MYH8: variants seen among roughly 807,000 people sequenced by gnomAD.
MYH8 encodes the protein myosin heavy chain 8.
In MYH8, 168 loss-of-function variants were observed where a neutral mutation model predicts 233.2. The ratio of observed to expected loss-of-function variants is 0.72; its 90% CI spans 0.64 to 0.82. The LOEUF is 0.82. MYH8 is among the 40% of genes least tolerant of loss of function. The pLI is 0.00. For missense variants in MYH8, 1,995 were observed against 2,327.8 expected (o/e 0.86, Z 2.94); for synonymous variants, 785 against 850.6 (o/e 0.92, Z 1.34).
At chr17:10,401,232 T>C (rs754618162) in intron 24 of MYH8, 41 bp from the exon 25 acceptor site, 12 of 1,613,432 alleles carry the variant, frequency 7.4e-6, no homozygotes, top group Non-Finnish European at 7.6e-6. Context: ...AAAGTATATA[T>C]TTTTAAAAAA....
At chr17:10,409,026 T>C in intron 17 of MYH8, 71 bp downstream of exon 17, 1 of 1,450,804 alleles carries the variant, frequency 6.9e-7, no homozygotes, top group Non-Finnish European at 9.6e-7. Context: ...GCCTCATAAT[T>C]TTTTCTAAAT....
intron 27 of MYH8, 118 bp from the exon 28 acceptor site, chr17:10,399,787 G>A: frequency 7.1e-7 from 1 of 1,409,658 alleles, no homozygotes; most frequent in Non-Finnish European, 9.8e-7. Flanking sequence ...AGAAAGTTAG[G>A]ACATCAACTC....
At chr17:10,397,834 G>T (rs547377035) in intron 30 of MYH8, among the ~76,000 whole-genome samples, 1 of 152,158 alleles carries the variant, frequency 6.6e-6, no homozygotes, top group South Asian at 2.1e-4. Flanking sequence ...ATCTCTCCTG[G>T]GAAAGAAACT....
At position 10,418,721 on chromosome 17, in the gene MYH8, G is replaced by A. The variant is rs1391631638; in HGVS notation, c.435C>T (p.Tyr145=). 1 of 1,613,932 alleles carries A rather than the reference G, an allele frequency of 6.2e-7. No homozygotes were observed. The highest frequency in any genetic ancestry group is 8.5e-7 in the Non-Finnish European group (1 of 1,179,862). The part of the protein sequence containing the change: ...PVYKPEVVAA[Y]RGKKRQEAPP... ...GGGCCTCCTGGCGCTTTTTGCCTCTGTAGGCAGCCACCACCTCGGGCTTGT... is the reference window on the plus strand; with the variant it reads ...GGGCCTCCTGGCGCTTTTTGCCTCTATAGGCAGCCACCACCTCGGGCTTGT... Residue 145 remains tyrosine, a synonymous_variant, in exon 5 of 40, where the codon TAC becomes TAT. Coordinates refer to ENST00000403437, the MANE Select transcript of MYH8 (RefSeq NM_002472.3).
At chr17:10,418,506 T>G in intron 5 of MYH8, 139 bp downstream of exon 5, 1 of 1,486,780 alleles carries the variant, frequency 6.7e-7, no homozygotes, top group Non-Finnish European at 9.3e-7. Context: ...ATGTCACAGC[T>G]GTGAAAGTTT....
At position 10,396,294 on chromosome 17, in the gene MYH8, T is replaced by C. The variant is rs751587199; in HGVS notation, c.4653+36A>G. On this transcript the variant is annotated intron_variant, in intron 33 of 39. Coordinates refer to ENST00000403437, the MANE Select transcript of MYH8 (RefSeq NM_002472.3). The surrounding 1 kb of genome is among the most constrained non-coding windows in gnomAD (Gnocchi z 4.2). ...ACTTTTTTTTAACTGATGTTTGTCT[T>C]TGTTTTTCCATAACATAATACAAGG... 4 of 1,611,510 alleles carry C rather than the reference T, an allele frequency of 2.5e-6. No individual in the cohort carries two copies. The African/African-American group carries it at 5.3e-5, about 22-fold the overall frequency.
At chr17:10,401,243 A>G in intron 24 of MYH8, 32 bp downstream of exon 24, 1 of 1,613,846 alleles carries the variant, frequency 6.2e-7, no homozygotes, top group Non-Finnish European at 8.5e-7. Flanking sequence ...TTTTAAAAAA[A>G]TCTTTCAAAG....
chr17:10,394,564 G>C, intron 34 of MYH8, 112 bp from the exon 35 acceptor site: 1 of 1,311,276 alleles, frequency 7.6e-7, no homozygotes, highest in Non-Finnish European at 1.1e-6. Flanking sequence ...ACATATGCCT[G>C]TCATTTGAAT....
chr17:10,402,110 T>A (rs1197822617), intron 22 of MYH8, among the ~76,000 whole-genome samples: 1 of 152,208 alleles, frequency 6.6e-6, no homozygotes, highest in Non-Finnish European at 1.5e-5. Context: ...TTTGCATATG[T>A]ATGACTTTGG....
rs757333481 is a variant in MYH8 at position 10,401,211 on chromosome 17, G to C, written c.3109-20C>G. 12 of 1,612,942 alleles carry C rather than the reference G, an allele frequency of 7.4e-6. No homozygotes were observed. The highest frequency in any genetic ancestry group is 1.0e-5 in the Non-Finnish European group (12 of 1,179,434). On this transcript the variant is annotated intron_variant, in intron 24 of 39. Transcript: ENST00000403437. ...TTCAAGCTAATAAGAAAGTAAATAT[G>C]GTAAAAATTGAAAGTATATATTTTT...
intron 30 of MYH8, among the ~76,000 whole-genome samples, chr17:10,398,221 A>G (rs754773621): frequency 1.3e-5 from 2 of 152,226 alleles, no homozygotes; most frequent in Non-Finnish European, 2.9e-5. Context: ...AACAACTTAC[A>G]GCCTCAACTT....
chr17:10,418,807 A>T lies in MYH8; in HGVS notation c.355-6T>A, dbSNP rs1435585277. The T allele has an allele frequency of 1.2e-6, 2 of 1,613,874 alleles. No homozygotes were observed. The highest frequency in any genetic ancestry group is 1.7e-6 in the Non-Finnish European group (2 of 1,179,798). On this transcript the variant is annotated splice_polypyrimidine_tract_variant and splice_region_variant and intron_variant, in intron 4 of 39. Transcript: ENST00000403437. ...CAGAAGAGGCCTGAGTAGGTCTGGG[A>T]AGATCAGAACATTTATCATTTGGAT...
chr17:10,413,930 C>T lies in MYH8; in HGVS notation c.1119G>A (p.Glu373=). The part of the protein sequence containing the change: ...GNMKFKQKQR[E]EQAEPDGTEV... ...CTGTGCCATCTGGCTCAGCTTGCTC[C>T]TCACGCTGCTTTTGCTTGAATTTCA... Residue 373 remains glutamate, a synonymous_variant, in exon 12 of 40, where the codon GAG becomes GAA. Coordinates refer to ENST00000403437, the MANE Select transcript of MYH8 (RefSeq NM_002472.3). 6.2e-7 allele frequency: 1 copy of T among 1,614,062 alleles called. No individual in the cohort carries two copies. The highest frequency in any genetic ancestry group is 8.5e-7 in the Non-Finnish European group (1 of 1,180,002).
Position 10,415,837 on chromosome 17 carries a change from T to C in MYH8, c.512-129A>G, listed in dbSNP as rs2072285854. ...GATGTCACCTTTGGTTTTGATTTTG[T>C]GTTTATCCTCCAAAATAGCCAATTG... is the stretch of plus-strand genomic sequence containing the variant. On this transcript the variant is annotated intron_variant, in intron 5 of 39. Transcript: ENST00000403437. The surrounding 1 kb of genome is among the most constrained non-coding windows in gnomAD (Gnocchi z 4.1). 3.8e-6 allele frequency: 4 copies of C among 1,057,998 alleles called. No homozygotes were observed. Among genetic ancestry groups the C allele is most frequent in the Non-Finnish European group, 4.2e-6 (3 of 710,074 alleles). The allele number at this position is 1,057,998 out of a possible 1,614,324, so 65.5% of individuals were successfully genotyped here. A position where few individuals can be genotyped will look rare whatever the true frequency, so the allele number is the denominator to read the frequency against.
At chr17:10,395,101 T>A in intron 34 of MYH8, 32 bp downstream of exon 34, 1 of 1,611,884 alleles carries the variant, frequency 6.2e-7, no homozygotes, top group East Asian at 2.2e-5. Context: ...CTTTCCCTGC[T>A]TCATCTGGGA....
At chr17:10,410,992 G>A (rs771796507) in intron 14 of MYH8, 45 bp from the exon 15 acceptor site, 1 of 1,613,434 alleles carries the variant, frequency 6.2e-7, no homozygotes, top group Non-Finnish European at 8.5e-7. Context: ...GAGTTTTATA[G>A]TAGTAAAATT....
intron 30 of MYH8, among the ~76,000 whole-genome samples, chr17:10,398,006 G>A (rs1340603294): frequency 6.6e-6 from 1 of 152,096 alleles, no homozygotes; most frequent in Non-Finnish European, 1.5e-5. Flanking sequence ...CTACTTGAAG[G>A]TCTCCGTTTG....
At chr17:10,392,507 G>T (rs1289445665) in intron 38 of MYH8, 35 bp downstream of exon 38, 2 of 1,567,186 alleles carry the variant, frequency 1.3e-6, no homozygotes, top group African/African-American at 1.4e-5. Flanking sequence ...TTCTGGGCAG[G>T]AAGAGTGGAT....
At chr17:10,411,697 A>G (rs55902920) in intron 14 of MYH8, among the ~76,000 whole-genome samples, 172 of 152,312 alleles carry the variant, frequency 1.1e-3, no homozygotes, top group African/African-American at 4.0e-3. Context: ...GACCTTTAAT[A>G]TAAAGGTCTT....
Sources: gnomAD v4.1 joint callset for allele counts (sites outside exome capture counted in the v4.1 genomes callset) on GRCh38, gnomAD v4.1.1 for gene constraint, Gnocchi (gnomAD v3.1) non-coding constraint, MANE v1.5 for transcripts, NCBI Gene and HGNC (gene_info 2026-07-23, HGNC 2026-07-21) for gene names.